Variants in DGKZ observed in about 807,000 individuals in gnomAD.
DGKZ encodes the protein DAG kinase zeta.
Under a neutral mutation model 142.5 loss-of-function variants are expected in DGKZ, and 45 were observed. That is an observed-to-expected ratio of 0.32 (90% CI 0.25 to 0.40). The LOEUF is 0.40. Among genes scored for constraint, DGKZ ranks in the 10% least tolerant of loss-of-function variants. DGKZ has a pLI of 1.00. For synonymous variants in DGKZ, 442 were observed against 527.0 expected (o/e 0.84, Z 2.21); for missense variants, 755 against 1,306.5 (o/e 0.58, Z 6.51).
rs779893573 is a variant in DGKZ at position 46,367,420 on chromosome 11, G to C, written c.270+21G>C. ...GGAGCGTGAGTGCCTGAACACCCCTGGGTCCCAGACCCTCTGGGCTCTTGG... is the reference window on the plus strand; with the variant it reads ...GGAGCGTGAGTGCCTGAACACCCCTCGGTCCCAGACCCTCTGGGCTCTTGG... On this transcript the variant is annotated intron_variant, in intron 2 of 30. Transcript: ENST00000527911. This position sits in a 1 kb window ranked among gnomAD's most constrained non-coding sequence, Gnocchi z 4.1. The C allele has an allele frequency of 1.2e-6, 2 of 1,609,864 alleles. No homozygotes were observed. The highest frequency in any genetic ancestry group is 1.3e-5 in the African/African-American group (1 of 74,844).
intron 24 of DGKZ, 70 bp downstream of exon 24, chr11:46,376,634 T>A: frequency 6.3e-7 from 1 of 1,593,144 alleles, no homozygotes; most frequent in Non-Finnish European, 8.6e-7. Context: ...CTGGGACGCC[T>A]TCCCTGTTAG....
chr11:46,372,316 C>T lies in DGKZ; in HGVS notation c.928-112C>T. The T allele has an allele frequency of 7.4e-7, 1 of 1,351,004 alleles. No homozygotes were observed. The highest frequency in any genetic ancestry group is 1.0e-6 in the Non-Finnish European group (1 of 964,270). 83.7% of individuals were successfully genotyped at this position (1,351,004 alleles called of 1,614,324 possible). A position where few individuals can be genotyped will look rare whatever the true frequency, so the allele number is the denominator to read the frequency against. On this transcript the variant is annotated intron_variant, in intron 10 of 30. Transcript: ENST00000527911. This position sits in a 1 kb window ranked among gnomAD's most constrained non-coding sequence, Gnocchi z 5.9. Reference sequence around the variant, plus strand: ...TCCTGAGAAAATCCTGTCCTTTCTCCACCCCTCACCCCTTATTGGCCCTGG... The same window carrying T: ...TCCTGAGAAAATCCTGTCCTTTCTCTACCCCTCACCCCTTATTGGCCCTGG...
chr11:46,363,463 G>C (rs572219039), intron 1 of DGKZ, among the ~76,000 whole-genome samples: 137 of 152,340 alleles, frequency 9.0e-4, no homozygotes, highest in Admixed American at 1.7e-3. Flanking sequence ...CTGCTGGGAG[G>C]GGCGGCATCA....
At chr11:46,366,846 C>T (rs1375600587) in intron 1 of DGKZ, 1 of 1,546,674 alleles carries the variant, frequency 6.5e-7, no homozygotes, top group Middle Eastern at 1.7e-4. Context: ...GGCCAGCACC[C>T]TGGCCCTGGG....
chr11:46,370,137 T>C, intron 6 of DGKZ, 128 bp downstream of exon 6: 4 of 1,127,220 alleles, frequency 3.5e-6, no homozygotes, highest in Non-Finnish European at 5.3e-6. Flanking sequence ...ACCCTCAGCC[T>C]GGCTGCAGTG....
At chr11:46,376,946 C>CA (rs1944618179) in intron 24 of DGKZ, 127 bp from the exon 25 acceptor site, 1 of 830,016 alleles carries the variant, frequency 1.2e-6, no homozygotes, top group East Asian at 2.6e-5. Flanking sequence ...AGGCAGGGCC[C>CA]CTTGCCTGGC....
chr11:46,368,450 C>G, intron 4 of DGKZ: 1 of 359,998 alleles, frequency 2.8e-6, no homozygotes, highest in South Asian at 2.1e-5. Context: ...CTGTGGAGAC[C>G]TTTCCCCAAG....
chr11:46,364,381 C>G lies in DGKZ; in HGVS notation c.162-2910C>G, dbSNP rs548977561. 3 of 1,289,018 alleles carry G rather than the reference C, an allele frequency of 2.3e-6. No individual in the cohort carries two copies. In the African/African-American group the frequency reaches 4.6e-5, roughly 20 times the overall value. The allele number at this position is 1,289,018 out of a possible 1,614,324, so 79.8% of individuals were successfully genotyped here. The stretch of plus-strand genomic sequence containing the variant: ...TGACACATAGGGGCTCAGTAAATGT[C>G]AGCCGTGACACTGGTGATTTTGGGG... On this transcript the variant is annotated intron_variant, in intron 1 of 30. Coordinates refer to ENST00000527911, the Ensembl canonical transcript of DGKZ.
rs754132972 is a variant in DGKZ at position 46,364,273 on chromosome 11, A to G, written c.162-3018A>G. Reference sequence around the variant, plus strand: ...CTCTGCGTCAACTTCCTCATCAGGAATGCAGTGTGATGCAGTACCTATTCC... The same window carrying G: ...CTCTGCGTCAACTTCCTCATCAGGAGTGCAGTGTGATGCAGTACCTATTCC... On this transcript the variant is annotated intron_variant, in intron 1 of 30. Transcript: ENST00000527911. 98 of 962,626 alleles carry G rather than the reference A, an allele frequency of 1.0e-4. 1 individual carries two copies. The Middle Eastern group carries it at 1.5e-3, about 14-fold the overall frequency. The allele number at this position is 962,626 out of a possible 1,614,324, so 59.6% of individuals were successfully genotyped here.
chr11:46,347,837 CG>C lies in DGKZ; in HGVS notation c.161+21del. On this transcript the variant is annotated intron_variant, in intron 1 of 30. Coordinates refer to ENST00000527911, the Ensembl canonical transcript of DGKZ. The surrounding 1 kb of genome is among the most constrained non-coding windows in gnomAD (Gnocchi z 6.4). ...CGGGCACAGGTGAGCGGGGCGGCGG[CG>C]GGGCAGGCACCGAGGCACCGGCAGG... The C allele has an allele frequency of 7.8e-7, 1 of 1,279,254 alleles. No individual in the cohort carries two copies. The allele number at this position is 1,279,254 out of a possible 1,614,324, so 79.2% of individuals were successfully genotyped here. A position where few individuals can be genotyped will look rare whatever the true frequency, so the allele number is the denominator to read the frequency against.
chr11:46,376,819 C>A, intron 24 of DGKZ: 1 of 643,762 alleles, frequency 1.6e-6, no homozygotes, highest in Non-Finnish European at 2.7e-6. Flanking sequence ...GGCCTGGAAG[C>A]CCAGAGCCAT....
upstream of DGKZ, among the ~76,000 whole-genome samples, chr11:46,346,418 C>G (rs1036252221): frequency 1.3e-5 from 2 of 152,214 alleles, no homozygotes; most frequent in African/African-American, 2.4e-5. Context: ...CCATCAGAAA[C>G]AGCCCCGGTG....
At chr11:46,338,510 A>C in intron 1 of DGKZ, 1 of 151,456 alleles carries the variant, frequency 6.6e-6, no homozygotes, top group East Asian at 1.9e-4. Flanking sequence ...AAAAAAAAAA[A>C]AAAAAAAAAA....
At chr11:46,343,480 G>GTA (rs1940377971), upstream of DGKZ, among the ~76,000 whole-genome samples, 2 of 152,206 alleles carry the variant, frequency 1.3e-5, no homozygotes, top group Non-Finnish European at 1.5e-5. Flanking sequence ...GAAATTCACA[G>GTA]TAACAAACAC....
intron 1 of DGKZ, chr11:46,366,850 C>A: frequency 6.5e-7 from 1 of 1,546,246 alleles, no homozygotes; most frequent in South Asian, 1.2e-5. Flanking sequence ...AGCACCCTGG[C>A]CCTGGGGGCC....
chr11:46,357,680 C>A (rs1942193594), intron 1 of DGKZ, among the ~76,000 whole-genome samples: 1 of 152,242 alleles, frequency 6.6e-6, no homozygotes, highest in Non-Finnish European at 1.5e-5. Flanking sequence ...CCCGGCCCCC[C>A]AGGAGCTCGC....
At chr11:46,340,903 T>C (rs943152828) in intron 1 of DGKZ, among the ~76,000 whole-genome samples, 3 of 152,176 alleles carry the variant, frequency 2.0e-5, no homozygotes, top group African/African-American at 7.2e-5. Flanking sequence ...AATCCCAGAA[T>C]GTTGGAAGGC....
At chr11:46,369,825 T>C (rs988346837) in intron 5 of DGKZ, 116 bp from the exon 6 acceptor site, 3 of 1,119,128 alleles carry the variant, frequency 2.7e-6, no homozygotes, top group East Asian at 2.4e-5. Flanking sequence ...CCTCCACTCA[T>C]GCGCAGGACT....
chr11:46,361,511 C>T (rs1590498869), intron 1 of DGKZ: 3 of 512,326 alleles, frequency 5.9e-6, no homozygotes, highest in Non-Finnish European at 7.5e-6. Context: ...CGTTCAGTTA[C>T]CAATCGGGTT....
Sources: allele counts gnomAD v4.1 joint callset (sites outside exome capture counted in the v4.1 genomes callset), GRCh38; gene constraint gnomAD v4.1.1; non-coding constraint Gnocchi (gnomAD v3.1); transcripts MANE v1.5; gene names NCBI Gene and HGNC (gene_info 2026-07-23, HGNC 2026-07-21).